The following MED27 variants were observed in gnomAD, a reference collection of about 807,000 sequenced individuals.
The protein encoded by MED27 is mediator of RNA polymerase II transcription subunit 27.
In MED27, 30 loss-of-function variants were observed where a neutral mutation model predicts 38.2. The observed-to-expected ratio is 0.79, with a 90% CI of 0.59 to 1.07. MED27 has a LOEUF of 1.07. Among genes scored for constraint, MED27 ranks in the 50% least tolerant of loss-of-function variants. The pLI is 0.00. For synonymous variants in MED27, 122 were observed against 153.5 expected (o/e 0.79, Z 1.52); for missense variants, 289 against 397.5 (o/e 0.73, Z 2.32).
intron 5 of MED27, 91 bp downstream of exon 5, chr9:131,893,794 G>A: frequency 1.2e-6 from 1 of 845,476 alleles, no homozygotes; most frequent in South Asian, 1.5e-5. Context: ...CGCTATGATT[G>A]CTAGTTTTTA....
intron 3 of MED27, among the ~76,000 whole-genome samples, chr9:131,965,623 C>A (rs1831321590): frequency 6.6e-6 from 1 of 152,152 alleles, no homozygotes; most frequent in African/African-American, 2.4e-5. Flanking sequence ...GGTTCAGAGC[C>A]ACCGGCTCTC....
intron 2 of MED27, among the ~76,000 whole-genome samples, chr9:132,055,665 TA>T (rs1462633545): frequency 2.0e-5 from 3 of 152,176 alleles, no homozygotes; most frequent in African/African-American, 7.2e-5. Context: ...TTAGGACAGG[TA>T]AAGCATCTGG....
At chr9:131,973,462 T>C (rs1406065384) in intron 3 of MED27, among the ~76,000 whole-genome samples, 42 of 140,508 alleles carry the variant, frequency 3.0e-4, no homozygotes, top group East Asian at 6.1e-4. Context: ...CTTTTCTTTT[T>C]TTTTTTTTTT....
chr9:131,900,734 T>C (rs1829928826), intron 4 of MED27, among the ~76,000 whole-genome samples: 1 of 152,094 alleles, frequency 6.6e-6, no homozygotes, highest in South Asian at 2.1e-4. Flanking sequence ...TGGTGGCATG[T>C]CTAAGCCCTG....
intron 2 of MED27, among the ~76,000 whole-genome samples, chr9:132,063,339 C>G (rs1269173385): frequency 1.3e-5 from 2 of 152,206 alleles, no homozygotes; most frequent in South Asian, 2.1e-4. Context: ...CACTACGTGA[C>G]TGAGAAGGAC....
chr9:131,875,018 C>A (rs987817320), intron 6 of MED27, among the ~76,000 whole-genome samples: 16 of 152,170 alleles, frequency 1.1e-4, no homozygotes, highest in African/African-American at 3.9e-4. Context: ...GGGAGAGAGA[C>A]CCCGCCAAGA....
At chr9:132,076,266 T>C (rs1479187639) in intron 2 of MED27, among the ~76,000 whole-genome samples, 1 of 143,032 alleles carries the variant, frequency 7.0e-6, no homozygotes, top group African/African-American at 2.7e-5. Context: ...GGCCCCATGC[T>C]TTTTTTTTTG....
intron 2 of MED27, among the ~76,000 whole-genome samples, chr9:132,020,626 C>T (rs1832697298): frequency 6.6e-6 from 1 of 152,152 alleles, no homozygotes; most frequent in Non-Finnish European, 1.5e-5. Flanking sequence ...TTGTTTCCAG[C>T]TAATGAGAAA....
intron 3 of MED27, among the ~76,000 whole-genome samples, chr9:131,975,809 A>C (rs1486021204): frequency 6.6e-6 from 1 of 152,208 alleles, no homozygotes; most frequent in Admixed American, 6.5e-5. Flanking sequence ...TTGAGTAAAA[A>C]AGGATGTGGG....
intron 6 of MED27, among the ~76,000 whole-genome samples, chr9:131,882,701 C>T (rs1839069141): frequency 6.6e-6 from 1 of 152,174 alleles, no homozygotes; most frequent in Admixed American, 6.5e-5. Context: ...ACGGGGCTGG[C>T]TCCTCCTCCT....
At chr9:131,970,665 CAAG>C (rs1242330391) in intron 3 of MED27, among the ~76,000 whole-genome samples, 1 of 152,026 alleles carries the variant, frequency 6.6e-6, no homozygotes. Context: ...GATGGCTGGA[CAAG>C]AAGAACATGC....
chr9:132,038,088 C>T (rs2131114134), intron 2 of MED27, among the ~76,000 whole-genome samples: 1 of 151,728 alleles, frequency 6.6e-6, no homozygotes, highest in Non-Finnish European at 1.5e-5. Context: ...TTTAAGGCCC[C>T]AAAGAGAAAG....
intron 6 of MED27, chr9:131,868,826 C>T (rs1333209476): frequency 2.8e-5 from 28 of 985,342 alleles, no homozygotes; most frequent in South Asian, 1.4e-4. Flanking sequence ...ACAGTTCCGA[C>T]GCCAGGCACA....
intron 3 of MED27, among the ~76,000 whole-genome samples, chr9:131,955,557 C>T (rs1485537585): frequency 1.3e-5 from 2 of 152,100 alleles, no homozygotes; most frequent in Non-Finnish European, 2.9e-5. Flanking sequence ...TTATCAATAT[C>T]AGGAATGAAT....
At chr9:131,904,249 G>A (rs527552746) in intron 4 of MED27, among the ~76,000 whole-genome samples, 98 of 152,012 alleles carry the variant, frequency 6.4e-4, no homozygotes, top group Middle Eastern at 3.4e-3. Flanking sequence ...ATGTTGCCCA[G>A]GCTGGTCTTA....
rs953109519 is a variant in MED27, at chr9:132,029,997, G to A, written c.349-15530C>T. Among the ~76,000 whole-genome samples the A allele has an allele frequency of 4.6e-5, 7 of 152,294 alleles. No individual in the cohort carries two copies. The South Asian group carries it at 1.5e-3, about 32-fold the overall frequency. ...GGGTGGAGTGACATGGGCTGGCTGT[G>A]CTTCCCACACAGAAAATGTGAGGAT... On this transcript the variant is annotated intron_variant, in intron 2 of 7. Transcript: ENST00000292035.
rs368235770 is a variant in MED27 at position 131,893,901 on chromosome 9, T to C, written c.665A>G (p.Tyr222Cys). 1.9e-6 allele frequency: 3 copies of C among 1,613,674 alleles called. No homozygotes were observed. Among genetic ancestry groups the C allele is most frequent in the African/African-American group, 1.3e-5 (1 of 74,944 alleles). Residue 222 changes from tyrosine to cysteine, a missense_variant, in exon 5 of 8, where the codon TAC (tyrosine) becomes TGC (cysteine). Coordinates refer to ENST00000292035, the MANE Select transcript of MED27 (RefSeq NM_004269.4). Reference sequence around the variant, plus strand: ...AATGCTTACCTTGCCATCTTCTGTGTAGACATTCTCGTTATATCCCTTTAC... The same window carrying C: ...AATGCTTACCTTGCCATCTTCTGTGCAGACATTCTCGTTATATCCCTTTAC... Reference protein sequence around the residue: ...TIVKGYNENVYTEDGKLDIWS... With the variant: ...TIVKGYNENVCTEDGKLDIWS...
intron 4 of MED27, among the ~76,000 whole-genome samples, chr9:131,921,033 C>T (rs1020096559): frequency 6.6e-6 from 1 of 152,058 alleles, no homozygotes; most frequent in Non-Finnish European, 1.5e-5. Context: ...GGCGGCATTG[C>T]GGAGAGTAGA....
chr9:132,070,789 G>A (rs1215360648), intron 2 of MED27, among the ~76,000 whole-genome samples: 3 of 150,318 alleles, frequency 2.0e-5, no homozygotes, highest in South Asian at 4.2e-4. Flanking sequence ...TTTGCCCCTC[G>A]ACTCCCACAC....
Sources: gnomAD v4.1 joint callset for allele counts (sites outside exome capture counted in the v4.1 genomes callset) on GRCh38, gnomAD v4.1.1 for gene constraint, MANE v1.5 for transcripts, NCBI Gene and HGNC (gene_info 2026-07-23, HGNC 2026-07-21) for gene names.